NCKAP5: variants seen among roughly 807,000 people sequenced by gnomAD.
NCKAP5 encodes nck-associated protein 5.
A neutral mutation model predicts 167.0 loss-of-function variants in NCKAP5; 92 were observed. That is an observed-to-expected ratio of 0.55 (90% CI 0.47 to 0.66). The LOEUF (loss-of-function observed/expected upper bound fraction) is 0.66. NCKAP5 is among the 30% of genes least tolerant of loss of function. The pLI is 0.00. For synonymous variants in NCKAP5, 891 were observed against 877.4 expected (o/e 1.02, Z -0.27); for missense variants, 2,378 against 2,315.0 (o/e 1.03, Z -0.56).
intron 3 of NCKAP5, among the ~76,000 whole-genome samples, chr2:133,482,408 T>C (rs1210845399): frequency 2.0e-5 from 3 of 151,890 alleles, no homozygotes; most frequent in African/African-American, 4.8e-5. Context: ...AGTAGAGATG[T>C]GGTTTCACCA....
chr2:133,553,355 A>G (rs535664585), intron 2 of NCKAP5, among the ~76,000 whole-genome samples: 1 of 152,324 alleles, frequency 6.6e-6, no homozygotes, highest in South Asian at 2.1e-4. Flanking sequence ...AAGGCTTCCA[A>G]AAACTCCATA....
chr2:133,384,677 C>A (rs1241042002), intron 3 of NCKAP5, among the ~76,000 whole-genome samples: 1 of 152,172 alleles, frequency 6.6e-6, no homozygotes, highest in Non-Finnish European at 1.5e-5. Context: ...ATTGATTCTT[C>A]CTACCCATGA....
At chr2:132,732,407 A>C (rs1691117278) in intron 16 of NCKAP5, among the ~76,000 whole-genome samples, 1 of 152,210 alleles carries the variant, frequency 6.6e-6, no homozygotes, top group Non-Finnish European at 1.5e-5. Context: ...CACGTTGTGC[A>C]CATGTACCCT....
chr2:132,737,303 C>T (rs545715013), intron 16 of NCKAP5, among the ~76,000 whole-genome samples: 1 of 152,250 alleles, frequency 6.6e-6, no homozygotes, highest in African/African-American at 2.4e-5. Flanking sequence ...AATACATTCC[C>T]TTGCATATGT....
chr2:133,406,584 G>A (rs1455638602), intron 3 of NCKAP5, among the ~76,000 whole-genome samples: 1 of 137,442 alleles, frequency 7.3e-6, no homozygotes, highest in Non-Finnish European at 1.6e-5. Context: ...CTTCCAGGAA[G>A]GAAGGAAGGG....
chr2:132,946,825 G>T (rs542009547), intron 8 of NCKAP5, among the ~76,000 whole-genome samples: 1 of 152,352 alleles, frequency 6.6e-6, no homozygotes, highest in South Asian at 2.1e-4. Flanking sequence ...TTGAGCCTGG[G>T]AGGTGGAAGT....
Position 132,747,858 on chromosome 2 carries a change from T to C in NCKAP5, c.5129-15807A>G, listed in dbSNP as rs1295208091. On this transcript the variant is annotated intron_variant, in intron 16 of 19. Coordinates refer to ENST00000409261, the MANE Select transcript of NCKAP5 (RefSeq NM_207363.3). ...TAACTTGCCCGTAGGCCTATAGCTA[T>C]AAGTAGGAAAACCAGGATTTGGATT... is the stretch of plus-strand genomic sequence containing the variant. Among the ~76,000 whole-genome samples, 8 of 152,198 alleles carry C rather than the reference T, an allele frequency of 5.3e-5. No individual in the cohort carries two copies. In the East Asian group the frequency reaches 1.2e-3, roughly 22 times the overall value.
intron 3 of NCKAP5, among the ~76,000 whole-genome samples, chr2:133,310,394 T>C (rs772090192): frequency 6.6e-6 from 1 of 152,236 alleles, no homozygotes; most frequent in Non-Finnish European, 1.5e-5. Context: ...ACCTGGCTTC[T>C]AAGGCAGACT....
At chr2:132,874,456 TGA>T (rs942979281) in intron 9 of NCKAP5, among the ~76,000 whole-genome samples, 1 of 152,154 alleles carries the variant, frequency 6.6e-6, no homozygotes, top group African/African-American at 2.4e-5. Context: ...AGGATATGCC[TGA>T]GAGTGTCCTG....
At chr2:133,217,286 C>T (rs1001233433) in intron 4 of NCKAP5, among the ~76,000 whole-genome samples, 2 of 151,912 alleles carry the variant, frequency 1.3e-5, no homozygotes, top group African/African-American at 4.8e-5. Context: ...GCTGAATAAT[C>T]ACAAAGTGAA....
rs547250673 is a variant in NCKAP5 at position 133,482,729 on chromosome 2, A to G, written c.69+34729T>C. On this transcript the variant is annotated intron_variant, in intron 3 of 19. Coordinates refer to ENST00000409261, the MANE Select transcript of NCKAP5 (RefSeq NM_207363.3). Reference sequence around the variant, plus strand: ...TTGAGAAATCTCCATACTGTTTTTCATGGTGGCTTTACTAGTTTGTGTTCC... The same window carrying G: ...TTGAGAAATCTCCATACTGTTTTTCGTGGTGGCTTTACTAGTTTGTGTTCC... Among the ~76,000 whole-genome samples, 8 of 152,318 alleles carry G rather than the reference A, an allele frequency of 5.3e-5. No individual in the cohort carries two copies. In the East Asian group the frequency reaches 1.3e-3, roughly 26 times the overall value.
chr2:133,184,336 A>G (rs2084855732), intron 5 of NCKAP5, among the ~76,000 whole-genome samples: 1 of 152,114 alleles, frequency 6.6e-6, no homozygotes, highest in Non-Finnish European at 1.5e-5. Context: ...TACGGTGTAT[A>G]TGTATCATCT....
chr2:133,269,014 T>A (rs556914967), intron 4 of NCKAP5: 1 of 152,314 alleles, frequency 6.6e-6, no homozygotes, highest in South Asian at 2.1e-4. Context: ...ACTACTAGGC[T>A]TCTGGCACCA....
At chr2:133,049,413 C>A (rs1310883340) in intron 6 of NCKAP5, among the ~76,000 whole-genome samples, 1 of 151,920 alleles carries the variant, frequency 6.6e-6, no homozygotes, top group East Asian at 1.9e-4. Flanking sequence ...GGCGTGGTGG[C>A]AGGCGCCTGT....
intron 5 of NCKAP5, among the ~76,000 whole-genome samples, chr2:133,152,535 T>A (rs979800386): frequency 6.6e-6 from 1 of 152,208 alleles, no homozygotes; most frequent in Non-Finnish European, 1.5e-5. Context: ...GAAGAAAAAT[T>A]ATAATTTCTC....
intron 5 of NCKAP5, among the ~76,000 whole-genome samples, chr2:133,152,830 ATACT>A (rs1385985479): frequency 2.0e-5 from 3 of 152,220 alleles, no homozygotes; most frequent in African/African-American, 7.2e-5. Flanking sequence ...TAGATATCAA[ATACT>A]TACCACTGTG....
intron 7 of NCKAP5, among the ~76,000 whole-genome samples, chr2:132,991,864 C>G (rs2077458393): frequency 6.6e-6 from 1 of 152,196 alleles, no homozygotes. Flanking sequence ...GAGGTGTTAA[C>G]TATGTGCTCC....
chr2:133,631,043 G>A, the NCKAP5 span, among the ~76,000 whole-genome samples: 23 of 152,206 alleles, frequency 1.5e-4, 1 homozygote, highest in Non-Finnish European at 2.9e-4. Context: ...TGGTTAATTA[G>A]ATTAACAACT....
chr2:133,517,532 A>G lies in NCKAP5; in HGVS notation c.-6T>C. ...AGCTGTCTCTTTCCCTCCATGGATGAAGTTATTTATTTTCTTTTGTGACTT... is the reference window on the plus strand; with the variant it reads ...AGCTGTCTCTTTCCCTCCATGGATGGAGTTATTTATTTTCTTTTGTGACTT... On this transcript the variant is annotated 5_prime_UTR_variant, in exon 3 of 20. Coordinates refer to ENST00000409261, the MANE Select transcript of NCKAP5 (RefSeq NM_207363.3). 3 of 1,517,188 alleles carry G rather than the reference A, an allele frequency of 2.0e-6. No homozygotes were observed. Among genetic ancestry groups the G allele is most frequent in the Non-Finnish European group, 2.7e-6 (3 of 1,128,462 alleles). The allele number at this position is 1,517,188 out of a possible 1,614,324, so 94.0% of individuals were successfully genotyped here.
Sources: allele counts gnomAD v4.1 joint callset (sites outside exome capture counted in the v4.1 genomes callset), GRCh38; gene constraint gnomAD v4.1.1; transcripts MANE v1.5; gene names NCBI Gene and HGNC (gene_info 2026-07-23, HGNC 2026-07-21).